Variants in PBRM1 observed in about 807,000 individuals in gnomAD.
PBRM1 encodes the protein polybromo 1, also known as protein polybromo-1.
PBRM1 carries 27 observed loss-of-function variants against 194.5 expected under a neutral mutation model. The observed-to-expected ratio is 0.14, with a 90% CI of 0.10 to 0.19. The LOEUF (loss-of-function observed/expected upper bound fraction) is 0.19, where lower values mean the gene tolerates loss of function less well. Among genes scored for constraint, PBRM1 ranks in the 10% least tolerant of loss-of-function variants. The probability of loss-of-function intolerance (pLI) is 1.00; values close to 1 mark genes in which losing one functional copy is unlikely to be tolerated. For missense variants in PBRM1, 1,466 were observed against 2,077.2 expected (o/e 0.71, Z 5.72); for synonymous variants, 655 against 693.2 (o/e 0.94, Z 0.87).
intron 10 of PBRM1, among the ~76,000 whole-genome samples, chr3:52,639,367 A>C (rs2095975579): frequency 6.6e-6 from 1 of 151,606 alleles, no homozygotes; most frequent in African/African-American, 2.4e-5. Flanking sequence ...CCTCAGACTT[A>C]TTTTTATTAA....
chr3:52,615,496 T>C, intron 14 of PBRM1, 40 bp from the exon 17 acceptor site: 1 of 1,237,442 alleles, frequency 8.1e-7, no homozygotes, highest in Non-Finnish European at 1.2e-6. Flanking sequence ...TTCTAAAAAC[T>C]TTTCATTAAG....
chr3:52,636,585 G>A (rs1023947523), intron 10 of PBRM1, among the ~76,000 whole-genome samples: 31 of 150,768 alleles, frequency 2.1e-4, no homozygotes, highest in Admixed American at 1.4e-3. Flanking sequence ...ATGAAACCCC[G>A]TCTCTACTAA....
chr3:52,561,031 A>G (rs2083397561), intron 25 of PBRM1, among the ~76,000 whole-genome samples: 1 of 152,208 alleles, frequency 6.6e-6, no homozygotes, highest in African/African-American at 2.4e-5. Flanking sequence ...GGGCAACAGT[A>G]CTGCCTAATC....
chr3:52,583,704 AAAATG>A (rs2153730293), intron 20 of PBRM1, among the ~76,000 whole-genome samples: 1 of 152,346 alleles, frequency 6.6e-6, no homozygotes, highest in East Asian at 1.9e-4. Flanking sequence ...ATAAATCAAT[AAAATG>A]ATCAATGGTT....
exon 11 of PBRM1, chr3:52,634,670 C>T (rs2095740214): frequency 4.3e-6 from 7 of 1,613,666 alleles, no homozygotes; most frequent in East Asian, 2.2e-5. Flanking sequence ...TCTTTGAAGG[C>T]AAATGGTAAA....
exon 26 of PBRM1, chr3:52,558,285 T>C (rs1457533311): frequency 2.6e-6 from 4 of 1,548,362 alleles, no homozygotes; most frequent in Admixed American, 4.0e-5. Context: ...AGCATCCCCA[T>C]TGGTGTTGGT....
At chr3:52,556,173 T>A (rs1374067534) in intron 26 of PBRM1, among the ~76,000 whole-genome samples, 2 of 152,236 alleles carry the variant, frequency 1.3e-5, no homozygotes, top group East Asian at 3.8e-4. Flanking sequence ...TTTATAAAAG[T>A]TTAGTCTTTT....
At chr3:52,581,458 C>T (rs1168938618) in intron 20 of PBRM1, among the ~76,000 whole-genome samples, 4 of 148,830 alleles carry the variant, frequency 2.7e-5, no homozygotes, top group South Asian at 2.1e-4. Flanking sequence ...TGCAGTGAGC[C>T]GAGATTGTGC....
chr3:52,589,071 A>G (rs772044295), exon 18 of PBRM1: 2 of 1,611,972 alleles, frequency 1.2e-6, no homozygotes, highest in Admixed American at 1.7e-5. Flanking sequence ...CAAACTTACC[A>G]GCTGAATCCT....
At chr3:52,658,466 C>T in intron 4 of PBRM1, 151 bp from the exon 6 acceptor site, 1 of 485,696 alleles carries the variant, frequency 2.1e-6, no homozygotes, top group Middle Eastern at 6.0e-4. Context: ...ACAATTTCAG[C>T]TCACTGCAAC....
intron 20 of PBRM1, among the ~76,000 whole-genome samples, chr3:52,583,531 T>C (rs938686687): frequency 6.6e-6 from 1 of 152,180 alleles, no homozygotes; most frequent in African/African-American, 2.4e-5. Context: ...TACAAACTAT[T>C]AGGTTAACTA....
intron 22 of PBRM1, 146 bp from the exon 25 acceptor site, chr3:52,564,379 G>C: frequency 1.5e-6 from 1 of 656,674 alleles, no homozygotes; most frequent in Non-Finnish European, 2.6e-6. Context: ...GGTGGCTCAA[G>C]CCTGTAATCT....
At chr3:52,595,384 T>C (rs917271083) in intron 17 of PBRM1, among the ~76,000 whole-genome samples, 30 of 152,160 alleles carry the variant, frequency 2.0e-4, no homozygotes, top group African/African-American at 6.8e-4. Context: ...ATAAAAGCCA[T>C]TTTAACTGGA....
intron 11 of PBRM1, among the ~76,000 whole-genome samples, chr3:52,631,059 G>C (rs2095602163): frequency 6.6e-6 from 1 of 152,144 alleles, no homozygotes; most frequent in Non-Finnish European, 1.5e-5. Context: ...GGCTATTTCT[G>C]TAATGAATCT....
chr3:52,653,130 A>G (rs2096540493), intron 5 of PBRM1, among the ~76,000 whole-genome samples: 1 of 152,228 alleles, frequency 6.6e-6, no homozygotes. Context: ...TAATTTTGCA[A>G]TCTAAATAAC....
At chr3:52,628,924 C>G (rs375222169) in exon 12 of PBRM1, 2 of 1,613,788 alleles carry the variant, frequency 1.2e-6, no homozygotes, top group Non-Finnish European at 1.7e-6. Context: ...TTAGAACTCG[C>G]TTGTAGATGG....
intron 20 of PBRM1, among the ~76,000 whole-genome samples, chr3:52,582,410 TC>T (rs1340628766): frequency 1.5e-5 from 2 of 130,366 alleles, no homozygotes; most frequent in Non-Finnish European, 3.4e-5. Flanking sequence ...CATTGATAAT[TC>T]TTTTTTTTTT....
At chr3:52,607,860 T>C (rs1454478522) in intron 16 of PBRM1, among the ~76,000 whole-genome samples, 1 of 152,226 alleles carries the variant, frequency 6.6e-6, no homozygotes, top group Non-Finnish European at 1.5e-5. Flanking sequence ...TTAAGGACCA[T>C]TTCTTAAAAG....
chr3:52,603,414 C>T, intron 17 of PBRM1, 107 bp downstream of exon 19: 5 of 1,127,440 alleles, frequency 4.4e-6, no homozygotes, highest in African/African-American at 1.6e-5. Context: ...ATAGTCAATA[C>T]CCTGAGTTTT....
Sources: allele counts gnomAD v4.1 joint callset (sites outside exome capture counted in the v4.1 genomes callset), GRCh38; gene constraint gnomAD v4.1.1; transcripts MANE v1.5; gene names NCBI Gene and HGNC (gene_info 2026-07-23, HGNC 2026-07-21).